Variants in TCF7L1 observed in about 807,000 individuals in gnomAD.
TCF7L1 encodes the protein transcription factor 7-like 1.
A neutral mutation model predicts 63.7 loss-of-function variants in TCF7L1; 18 were observed. That is an observed-to-expected ratio of 0.28 (90% CI 0.20 to 0.42). TCF7L1 has a LOEUF of 0.42. Ranked by LOEUF, TCF7L1 falls within the 10% of genes least tolerant of loss-of-function variation. TCF7L1 has a pLI of 1.00. For missense variants in TCF7L1, 654 were observed against 779.3 expected (o/e 0.84, Z 1.91); for synonymous variants, 355 against 340.9 (o/e 1.04, Z -0.46).
At chr2:85,251,254 A>G (rs541102812) in intron 3 of TCF7L1, among the ~76,000 whole-genome samples, 118 of 152,352 alleles carry the variant, frequency 7.7e-4, no homozygotes, top group African/African-American at 2.8e-3. Flanking sequence ...AATAACCAAG[A>G]ATAGGTCAGT....
chr2:85,251,591 C>T (rs776898604), intron 3 of TCF7L1, among the ~76,000 whole-genome samples: 1 of 152,112 alleles, frequency 6.6e-6, no homozygotes, highest in Admixed American at 6.5e-5. Flanking sequence ...ACAGAAGGGA[C>T]CAGCTGGATA....
At chr2:85,294,336 G>A (rs868779777) in intron 4 of TCF7L1, among the ~76,000 whole-genome samples, 8 of 152,032 alleles carry the variant, frequency 5.3e-5, no homozygotes, top group Non-Finnish European at 8.8e-5. Context: ...ACGCCTGGCC[G>A]AGCATTGGGA....
intron 3 of TCF7L1, among the ~76,000 whole-genome samples, chr2:85,155,907 G>A (rs537454832): frequency 6.6e-6 from 1 of 152,178 alleles, no homozygotes; most frequent in Admixed American, 6.5e-5. Context: ...ACTAATTAAC[G>A]CAGGCAGAAC....
chr2:85,211,485 T>A (rs977607998), intron 3 of TCF7L1, among the ~76,000 whole-genome samples: 4 of 152,238 alleles, frequency 2.6e-5, no homozygotes, highest in African/African-American at 4.8e-5. Flanking sequence ...TGGCTCGTAG[T>A]GGGATCTCCA....
At chr2:85,233,319 T>C (rs1266333250) in intron 3 of TCF7L1, among the ~76,000 whole-genome samples, 2 of 95,286 alleles carry the variant, frequency 2.1e-5, no homozygotes, top group Non-Finnish European at 3.8e-5. Context: ...TTCAGAGATT[T>C]TTTTTTTTTT....
chr2:85,245,687 C>T (rs1355180293), intron 3 of TCF7L1, among the ~76,000 whole-genome samples: 8 of 151,836 alleles, frequency 5.3e-5, no homozygotes, highest in African/African-American at 1.2e-4. Context: ...TGGTGGTGGG[C>T]GCTTGTAGTC....
chr2:85,223,855 G>C (rs1249081795), intron 3 of TCF7L1, among the ~76,000 whole-genome samples: 3 of 152,038 alleles, frequency 2.0e-5, no homozygotes, highest in African/African-American at 7.2e-5. Context: ...TTGTTACATA[G>C]GTATACATGT....
chr2:85,139,491 G>A (rs1677669557), intron 3 of TCF7L1, among the ~76,000 whole-genome samples: 1 of 152,178 alleles, frequency 6.6e-6, no homozygotes, highest in Non-Finnish European at 1.5e-5. Context: ...GAAGTTAAGA[G>A]GTAGTAAAGT....
chr2:85,211,688 G>T (rs1202812078), intron 3 of TCF7L1, among the ~76,000 whole-genome samples: 2 of 152,200 alleles, frequency 1.3e-5, no homozygotes, highest in Admixed American at 6.5e-5. Flanking sequence ...GCAGTGCCTG[G>T]TCTGGTCTTT....
intron 4 of TCF7L1, among the ~76,000 whole-genome samples, chr2:85,294,510 A>G (rs1681801423): frequency 6.6e-6 from 1 of 152,170 alleles, no homozygotes; most frequent in Admixed American, 6.6e-5. Context: ...AACCACTGGC[A>G]TAGGGACATT....
At chr2:85,170,711 G>T (rs1038191943) in intron 3 of TCF7L1, among the ~76,000 whole-genome samples, 3 of 152,086 alleles carry the variant, frequency 2.0e-5, no homozygotes, top group African/African-American at 7.2e-5. Context: ...GAAAAATGGT[G>T]CCCAGGAAAC....
intron 3 of TCF7L1, among the ~76,000 whole-genome samples, chr2:85,199,420 A>G (rs1679225774): frequency 6.6e-6 from 1 of 152,220 alleles, no homozygotes; most frequent in South Asian, 2.1e-4. Flanking sequence ...GTTTATGAGA[A>G]AGGATAAAAT....
At chr2:85,260,709 G>C (rs1334410465) in intron 3 of TCF7L1, among the ~76,000 whole-genome samples, 1 of 151,712 alleles carries the variant, frequency 6.6e-6, no homozygotes, top group African/African-American at 2.4e-5. Context: ...CCGTGTGAAA[G>C]ATGTTTCGGT....
In TCF7L1 at chr2:85,184,380, G is replaced by A. The variant is rs12465660; in HGVS notation, c.441+49930G>A. Among the ~76,000 whole-genome samples the A allele has an allele frequency of 9.6e-3, 1,460 of 152,262 alleles. 60 individuals are homozygous for A. The highest frequency in any genetic ancestry group is 0.075 in the Admixed American group (1,150 of 15,294). On this transcript the variant is annotated intron_variant, in intron 3 of 11. Transcript: ENST00000282111. ...GAGAGGCAGTGTTCGGGAAAGTGGAGTCCGCCTGAAGATTGTGGGACCTTC... is the reference window on the plus strand; with the variant it reads ...GAGAGGCAGTGTTCGGGAAAGTGGAATCCGCCTGAAGATTGTGGGACCTTC...
chr2:85,280,428 C>A (rs1265591629), intron 3 of TCF7L1, among the ~76,000 whole-genome samples: 1 of 152,036 alleles, frequency 6.6e-6, no homozygotes, highest in Non-Finnish European at 1.5e-5. Flanking sequence ...TATTTAAGAC[C>A]CAAAACTCTA....
Position 85,271,984 on chromosome 2 carries a change from C to G in TCF7L1, c.442-11511C>G, listed in dbSNP as rs1030646991. 5.3e-5 allele frequency among the ~76,000 whole-genome samples: 8 copies of G among 152,170 alleles called. 1 individual carries two copies. The highest frequency in any genetic ancestry group is 1.7e-4 in the African/African-American group (7 of 41,424). ...AACTACCCTATTCTTGGACAACAGA[C>G]ATTTTGTCAATGTGAGGCAAAGCAA... On this transcript the variant is annotated intron_variant, in intron 3 of 11. Coordinates refer to ENST00000282111, the MANE Select transcript of TCF7L1 (RefSeq NM_031283.3).
intron 3 of TCF7L1, among the ~76,000 whole-genome samples, chr2:85,226,523 C>G (rs1379425796): frequency 1.3e-5 from 2 of 152,156 alleles, no homozygotes; most frequent in African/African-American, 4.8e-5. Flanking sequence ...CTGTGCTTCT[C>G]TATGTCAGTG....
Position 85,306,386 on chromosome 2 carries a change from C to T in TCF7L1, c.1149+21C>T. 1 of 1,613,290 alleles carries T rather than the reference C, an allele frequency of 6.2e-7. No individual in the cohort carries two copies. The highest frequency in any genetic ancestry group is 1.7e-4 in the Middle Eastern group (1 of 6,060). ...GAAAGGTAAGACCTGCCCTCTCCCT[C>T]CAGGCCAGGGAGGCAGCGTCCCTGC... On this transcript the variant is annotated intron_variant, in intron 9 of 11. Coordinates refer to ENST00000282111, the MANE Select transcript of TCF7L1 (RefSeq NM_031283.3). The surrounding 1 kb of genome is among the most constrained non-coding windows in gnomAD (Gnocchi z 4.3).
chr2:85,222,209 C>T lies in TCF7L1; in HGVS notation c.442-61286C>T, dbSNP rs141671362. The stretch of plus-strand genomic sequence containing the variant: ...ATACAAAATTAAGCGGGCGTGGTGG[C>T]GCACGCCTGTAATCCCAGCTACTTG... On this transcript the variant is annotated intron_variant, in intron 3 of 11. Transcript: ENST00000282111. 1.6e-4 allele frequency among the ~76,000 whole-genome samples: 25 copies of T among 151,934 alleles called. 1 individual carries two copies. The South Asian group carries it at 3.5e-3, about 21-fold the overall frequency.
Sources: allele counts gnomAD v4.1 joint callset (sites outside exome capture counted in the v4.1 genomes callset), GRCh38; gene constraint gnomAD v4.1.1; non-coding constraint Gnocchi (gnomAD v3.1); transcripts MANE v1.5; gene names NCBI Gene and HGNC (gene_info 2026-07-23, HGNC 2026-07-21).